The following PHF20 variants were observed in gnomAD, a reference collection of about 807,000 sequenced individuals.
The protein encoded by PHF20 is PHD finger protein 20.
In PHF20, 23 loss-of-function variants were observed where a neutral mutation model predicts 113.5. The ratio of observed to expected loss-of-function variants is 0.20; its 90% CI spans 0.15 to 0.29. PHF20 has a LOEUF of 0.29. Ranked by LOEUF, PHF20 falls within the 10% of genes least tolerant of loss-of-function variation. PHF20 has a pLI of 1.00. For synonymous variants in PHF20, 434 were observed against 457.3 expected (o/e 0.95, Z 0.65); for missense variants, 943 against 1,219.6 (o/e 0.77, Z 3.38).
At chr20:35,841,340 C>CTCAATCAA (rs541549453) in intron 2 of PHF20, among the ~76,000 whole-genome samples, 1 of 151,768 alleles carries the variant, frequency 6.6e-6, no homozygotes, top group Non-Finnish European at 1.5e-5. Flanking sequence ...GAGACCCTGT[C>CTCAATCAA]TCAATCAATC....
At chr20:35,915,218 T>C (rs2055381598) in intron 12 of PHF20, among the ~76,000 whole-genome samples, 1 of 150,418 alleles carries the variant, frequency 6.6e-6, no homozygotes, top group Non-Finnish European at 1.5e-5. Context: ...TGCTACAGGA[T>C]GGTACATATG....
chr20:35,793,303 T>C (rs2041595282), intron 1 of PHF20, among the ~76,000 whole-genome samples: 1 of 146,064 alleles, frequency 6.8e-6, no homozygotes, highest in Non-Finnish European at 1.5e-5. Flanking sequence ...TTCTTTTTCT[T>C]TTTTTTTTTT....
intron 2 of PHF20, among the ~76,000 whole-genome samples, chr20:35,823,111 T>C (rs1196819035): frequency 2.0e-5 from 3 of 152,040 alleles, no homozygotes; most frequent in Non-Finnish European, 4.4e-5. Flanking sequence ...ATGTGTACAT[T>C]ATACATTTGT....
chr20:35,941,120 C>A, intron 17 of PHF20, 73 bp downstream of exon 17: 2 of 1,282,274 alleles, frequency 1.6e-6, no homozygotes, highest in Non-Finnish European at 2.2e-6. Context: ...CTTTCTGAAC[C>A]CCCCAGTCTG....
intron 2 of PHF20, among the ~76,000 whole-genome samples, chr20:35,814,996 G>A (rs1367876303): frequency 6.6e-6 from 1 of 151,806 alleles, no homozygotes; most frequent in East Asian, 1.9e-4. Flanking sequence ...AGGAGTTTGA[G>A]ACCAAACTGG....
intron 9 of PHF20, among the ~76,000 whole-genome samples, chr20:35,894,931 C>T (rs981288762): frequency 6.6e-6 from 1 of 152,202 alleles, no homozygotes; most frequent in African/African-American, 2.4e-5. Flanking sequence ...TCTCGGCTCA[C>T]TGCGATCTCG....
chr20:35,842,305 A>C (rs1383536285), intron 2 of PHF20, among the ~76,000 whole-genome samples: 7 of 152,148 alleles, frequency 4.6e-5, no homozygotes, highest in African/African-American at 1.7e-4. Flanking sequence ...ACACCACTGC[A>C]CTCCAGCCTG....
intron 17 of PHF20, among the ~76,000 whole-genome samples, chr20:35,943,013 C>T (rs1421729327): frequency 2.0e-5 from 3 of 152,078 alleles, no homozygotes; most frequent in South Asian, 2.1e-4. Flanking sequence ...TTAGTAGAGA[C>T]AGGGTTTCAC....
chr20:35,813,160 C>A (rs1187757711), intron 2 of PHF20, among the ~76,000 whole-genome samples: 2 of 151,686 alleles, frequency 1.3e-5, no homozygotes, highest in Non-Finnish European at 2.9e-5. Context: ...TTAGTAGAGA[C>A]TGGGTTTCAC....
At chr20:35,803,684 ATGTG>A (rs11472633) in intron 2 of PHF20, among the ~76,000 whole-genome samples, 18 of 144,384 alleles carry the variant, frequency 1.2e-4, no homozygotes, top group East Asian at 5.9e-4. Flanking sequence ...GTATATATAT[ATGTG>A]TGTGTGTGTG....
At chr20:35,936,144 G>C (rs776661658) in intron 15 of PHF20, among the ~76,000 whole-genome samples, 3 of 152,166 alleles carry the variant, frequency 2.0e-5, no homozygotes, top group Non-Finnish European at 4.4e-5. Flanking sequence ...TTAATAAAGA[G>C]CAGGTCTGTA....
rs148034026 is a variant in PHF20, at chr20:35,900,632, G to A, written c.1561+984G>A. 1.0e-3 allele frequency among the ~76,000 whole-genome samples: 154 copies of A among 152,226 alleles called. 1 individual carries two copies. The East Asian group carries it at 0.021, about 21-fold the overall frequency. ...GAGGATCACCTGAGGTCAGGAGTTC[G>A]AGACCAGCCTTACTTAACATGGTGA... On this transcript the variant is annotated intron_variant, in intron 10 of 17. Coordinates refer to ENST00000374012, the MANE Select transcript of PHF20 (RefSeq NM_016436.5).
chr20:35,913,115 T>C, intron 10 of PHF20, 134 bp from the exon 11 acceptor site: 1 of 424,042 alleles, frequency 2.4e-6, no homozygotes, highest in Non-Finnish European at 4.5e-6. Flanking sequence ...TGGCTCTGCC[T>C]CCAGACTGGA....
chr20:35,900,832 A>G (rs529664417), intron 10 of PHF20, among the ~76,000 whole-genome samples: 1 of 152,216 alleles, frequency 6.6e-6, no homozygotes, highest in South Asian at 2.1e-4. Flanking sequence ...GTGAGACTCC[A>G]TCTCAAAACA....
chr20:35,803,682 A>ATG (rs1391670416), intron 2 of PHF20, among the ~76,000 whole-genome samples: 214 of 124,214 alleles, frequency 1.7e-3, no homozygotes, highest in African/African-American at 8.3e-3. Context: ...CAGTATATAT[A>ATG]TATGTGTGTG....
intron 1 of PHF20, among the ~76,000 whole-genome samples, chr20:35,799,335 G>A (rs1018299593): frequency 6.9e-6 from 1 of 144,040 alleles, no homozygotes; most frequent in Non-Finnish European, 1.5e-5. Context: ...GTGTGCTGAC[G>A]CATGCCTGTG....
At position 35,939,028 on chromosome 20, in the gene PHF20, T is replaced by C; in HGVS notation, c.2632T>C (p.Ser878Pro). The C allele has an allele frequency of 6.2e-7, 1 of 1,614,130 alleles. No homozygotes were observed. The highest frequency in any genetic ancestry group is 2.2e-5 in the East Asian group (1 of 44,872). Residue 878 changes from serine to proline, a missense_variant, in exon 16 of 18, where the codon TCC becomes CCC. By Grantham distance (74) the Ser-to-Pro change is moderately conservative. Coordinates refer to ENST00000374012, the MANE Select transcript of PHF20 (RefSeq NM_016436.5). ...CCCCCTCCATGAGAACGGCGATGAT[T>C]CCCTTTCCCCGCGCCTGGGCTGGCC... Reference protein sequence around the residue: ...VNPLHENGDDSLSPRLGWPLD... With the variant: ...VNPLHENGDDPLSPRLGWPLD...
chr20:35,861,060 G>A (rs1483186989), intron 5 of PHF20, among the ~76,000 whole-genome samples: 1 of 152,098 alleles, frequency 6.6e-6, no homozygotes, highest in Admixed American at 6.6e-5. Context: ...CCTGGACTTG[G>A]CTTCTTTTCC....
At chr20:35,892,802 G>A (rs2054900680) in intron 9 of PHF20, among the ~76,000 whole-genome samples, 1 of 152,124 alleles carries the variant, frequency 6.6e-6, no homozygotes, top group Admixed American at 6.6e-5. Context: ...ATTATCAACT[G>A]GCTTATAATC....
Sources: allele counts gnomAD v4.1 joint callset (sites outside exome capture counted in the v4.1 genomes callset), GRCh38; gene constraint gnomAD v4.1.1; transcripts MANE v1.5; gene names NCBI Gene and HGNC (gene_info 2026-07-23, HGNC 2026-07-21).